ARHGAP39: variants seen among roughly 807,000 people sequenced by gnomAD.
ARHGAP39 encodes the protein rho GTPase-activating protein 39.
A neutral mutation model predicts 106.9 loss-of-function variants in ARHGAP39; 44 were observed. The observed-to-expected ratio is 0.41, with a 90% CI of 0.32 to 0.53. The LOEUF is 0.53. Among genes scored for constraint, ARHGAP39 ranks in the 20% least tolerant of loss-of-function variants. ARHGAP39 has a pLI of 0.21. For synonymous variants in ARHGAP39, 768 were observed against 693.2 expected (o/e 1.11, Z -1.69); for missense variants, 1,496 against 1,577.3 (o/e 0.95, Z 0.87).
rs1816620239 is a variant in ARHGAP39 at position 144,530,243 on chromosome 8, C to T, written c.*179G>A. ...GCGCCCTCCCCGCCGCTGCTGTGCC[C>T]TGGCTGCACCCTCAGACCAGGCAGA... On this transcript the variant is annotated 3_prime_UTR_variant, in exon 12 of 12. Transcript: ENST00000377307. The T allele has an allele frequency of 2.9e-6, 2 of 697,190 alleles. No individual in the cohort carries two copies. Among genetic ancestry groups the T allele is most frequent in the African/African-American group, 3.6e-5 (2 of 55,328 alleles). 43.2% of individuals were successfully genotyped at this position (697,190 alleles called of 1,614,324 possible). A position where few individuals can be genotyped will look rare whatever the true frequency, so the allele number is the denominator to read the frequency against.
At chr8:144,530,676 G>C in intron 11 of ARHGAP39, 26 bp downstream of exon 11, 1 of 1,553,424 alleles carries the variant, frequency 6.4e-7, no homozygotes, top group Non-Finnish European at 8.7e-7. Context: ...GGGGAAAGCA[G>C]CGGGGACCCC....
At chr8:144,533,403 C>G in intron 8 of ARHGAP39, 78 bp from the exon 9 acceptor site, 1 of 1,440,482 alleles carries the variant, frequency 6.9e-7, no homozygotes, top group Non-Finnish European at 9.5e-7. Flanking sequence ...TCTTCTTTCC[C>G]CGAACATAGG....
rs1420295943 is a variant in ARHGAP39 at position 144,534,122 on chromosome 8, C to T, written c.2688+7G>A. On this transcript the variant is annotated splice_region_variant and intron_variant, in intron 8 of 11. Coordinates refer to ENST00000377307, the MANE Select transcript of ARHGAP39 (RefSeq NM_025251.3). ...TGCCCTCCCCGGCCCCCCAGGCGCA[C>T]CCGTACCTTCTTGGCCCCGGTCAGG... 6.2e-7 allele frequency: 1 copy of T among 1,612,456 alleles called. No individual in the cohort carries two copies. The highest frequency in any genetic ancestry group is 8.5e-7 in the Non-Finnish European group (1 of 1,179,640).
chr8:144,699,041 G>A, the ARHGAP39 span: 1 of 367,360 alleles, frequency 2.7e-6, no homozygotes, highest in Non-Finnish European at 5.4e-6. Context: ...TGGAGTTCCA[G>A]GGCTTCTCAC....
intron 6 of ARHGAP39, among the ~76,000 whole-genome samples, chr8:144,543,120 C>A (rs1817266800): frequency 6.6e-6 from 1 of 151,992 alleles, no homozygotes; most frequent in Non-Finnish European, 1.5e-5. Flanking sequence ...CAAGCATACA[C>A]CACCATGCTT....
chr8:144,651,403 A>T (rs1423905746), intron 1 of ARHGAP39, among the ~76,000 whole-genome samples: 2 of 152,196 alleles, frequency 1.3e-5, no homozygotes, highest in Non-Finnish European at 2.9e-5. Flanking sequence ...TAGAAAAATA[A>T]TTTTTAAATT....
intron 6 of ARHGAP39, among the ~76,000 whole-genome samples, chr8:144,541,033 G>C (rs568997439): frequency 2.0e-5 from 3 of 152,238 alleles, no homozygotes; most frequent in Admixed American, 2.0e-4. Context: ...TGTATTTTTA[G>C]TAAAGATGGG....
At chr8:144,567,794 C>G (rs867592438) in intron 3 of ARHGAP39, among the ~76,000 whole-genome samples, 3 of 152,328 alleles carry the variant, frequency 2.0e-5, no homozygotes, top group Middle Eastern at 3.4e-3. Context: ...CAGGGAAGGG[C>G]CCCCTGGCCA....
intron 2 of ARHGAP39, among the ~76,000 whole-genome samples, chr8:144,602,568 G>C (rs1230682646): frequency 7.1e-6 from 1 of 139,960 alleles, no homozygotes; most frequent in African/African-American, 2.7e-5. Context: ...GTGCGAGCTC[G>C]TGTACCTGTG....
At chr8:144,667,620 G>T (rs1460223721) in intron 1 of ARHGAP39, among the ~76,000 whole-genome samples, 1 of 152,238 alleles carries the variant, frequency 6.6e-6, no homozygotes, top group African/African-American at 2.4e-5. Context: ...TAAGGTCACG[G>T]AGATGACAGG....
chr8:144,664,235 C>T (rs534781249), intron 1 of ARHGAP39, among the ~76,000 whole-genome samples: 1 of 152,302 alleles, frequency 6.6e-6, no homozygotes, highest in Non-Finnish European at 1.5e-5. Flanking sequence ...CCTATCCCCT[C>T]CACCTCTGCC....
chr8:144,651,278 A>G (rs1735439977), intron 1 of ARHGAP39, among the ~76,000 whole-genome samples: 1 of 152,206 alleles, frequency 6.6e-6, no homozygotes, highest in South Asian at 2.1e-4. Context: ...ACAGAAAAAC[A>G]TCCCATACTC....
intron 2 of ARHGAP39, among the ~76,000 whole-genome samples, chr8:144,600,786 C>T (rs72499141): frequency 1.5e-3 from 226 of 147,610 alleles, no homozygotes; most frequent in Non-Finnish European, 2.6e-3. Context: ...TGGAGGCATG[C>T]GCGTGAGCTC....
At chr8:144,619,534 G>A (rs1394671298) in intron 1 of ARHGAP39, among the ~76,000 whole-genome samples, 1 of 151,888 alleles carries the variant, frequency 6.6e-6, no homozygotes, top group African/African-American at 2.4e-5. Context: ...GTGCCTGTGT[G>A]CACGTGAGCC....
chr8:144,630,875 G>A (rs962745772), intron 1 of ARHGAP39, among the ~76,000 whole-genome samples: 3 of 152,280 alleles, frequency 2.0e-5, no homozygotes, highest in African/African-American at 4.8e-5. Flanking sequence ...ATCTGTAATA[G>A]GCCATTCTTG....
intron 1 of ARHGAP39, among the ~76,000 whole-genome samples, chr8:144,623,941 A>G (rs568929262): frequency 6.6e-6 from 1 of 152,340 alleles, no homozygotes; most frequent in African/African-American, 2.4e-5. Flanking sequence ...GGGTGACAAC[A>G]GCACACCAAC....
intron 1 of ARHGAP39, among the ~76,000 whole-genome samples, chr8:144,640,301 C>T (rs1821279674): frequency 6.6e-6 from 1 of 152,134 alleles, no homozygotes; most frequent in Non-Finnish European, 1.5e-5. Context: ...TTTGTAGCTC[C>T]CATAATTCCC....
chr8:144,564,314 A>G (rs573583655), intron 3 of ARHGAP39, among the ~76,000 whole-genome samples: 1 of 152,326 alleles, frequency 6.6e-6, no homozygotes, highest in South Asian at 2.1e-4. Flanking sequence ...TTGTCCCCTG[A>G]GCACACCAAA....
At position 144,591,239 on chromosome 8, in the gene ARHGAP39, G is replaced by T. The variant is rs1433752058; in HGVS notation, c.81-9962C>A. On this transcript the variant is annotated intron_variant, in intron 2 of 11. Transcript: ENST00000377307. The surrounding 1 kb of genome is among the most constrained non-coding windows in gnomAD (Gnocchi z 5.3). ...CTGGACCCCAATGGACAGCTGCTCT[G>T]TGCTCCCGTGAGCACAGACCTGCAG... is the stretch of plus-strand genomic sequence containing the variant. 1.3e-5 allele frequency among the ~76,000 whole-genome samples: 2 copies of T among 152,184 alleles called. No homozygotes were observed. The highest frequency in any genetic ancestry group is 6.5e-5 in the Admixed American group (1 of 15,276).
Sources: allele counts gnomAD v4.1 joint callset (sites outside exome capture counted in the v4.1 genomes callset), GRCh38; gene constraint gnomAD v4.1.1; non-coding constraint Gnocchi (gnomAD v3.1); transcripts MANE v1.5; gene names NCBI Gene and HGNC (gene_info 2026-07-23, HGNC 2026-07-21).